NCKAP5: variants seen among roughly 807,000 people sequenced by gnomAD.
NCKAP5 encodes the protein NCK associated protein 5.
In NCKAP5, 92 loss-of-function variants were observed where a neutral mutation model predicts 167.0. That is an observed-to-expected ratio of 0.55 (90% CI 0.47 to 0.66). The LOEUF (loss-of-function observed/expected upper bound fraction) is 0.66, where lower values mean the gene tolerates loss of function less well. NCKAP5 is among the 30% of genes least tolerant of loss of function. The probability of loss-of-function intolerance (pLI) is 0.00; values close to 1 mark genes in which losing one functional copy is unlikely to be tolerated. For synonymous variants in NCKAP5, 891 were observed against 877.4 expected, an observed-to-expected ratio of 1.02 and a Z score of -0.27; for missense variants, 2,378 against 2,315.0, an observed-to-expected ratio of 1.03 and a Z score of -0.56.
Position 132,710,594 on chromosome 2 carries a change from G to A in NCKAP5, c.5713+15033C>T, listed in dbSNP as rs13416154. Among the ~76,000 whole-genome samples, 1,112 of 152,218 alleles carry A rather than the reference G, an allele frequency of 7.3e-3. 12 individuals are homozygous for A. The highest frequency in any genetic ancestry group is 0.026 in the African/African-American group (1,063 of 41,542). ...ATTTGAGCAGTCAATTTAAAGAAGC[G>A]GGGGAAAAAGGGAAAGTATAATTTG... On this transcript the variant is annotated intron_variant, in intron 19 of 19. Transcript: ENST00000409261.
At chr2:132,917,749 C>T (rs532284840) in intron 8 of NCKAP5, among the ~76,000 whole-genome samples, 5 of 152,274 alleles carry the variant, frequency 3.3e-5, no homozygotes, top group African/African-American at 1.2e-4. Flanking sequence ...ATCAGAAACA[C>T]AGGCCTGTGA....
intron 9 of NCKAP5, among the ~76,000 whole-genome samples, chr2:132,878,171 G>A (rs188819045): frequency 6.6e-6 from 1 of 152,152 alleles, no homozygotes; most frequent in Non-Finnish European, 1.5e-5. Flanking sequence ...CGAGGGCTCT[G>A]AGCGCATGTC....
chr2:132,869,264 T>C (rs1690606299), intron 9 of NCKAP5, among the ~76,000 whole-genome samples: 1 of 152,222 alleles, frequency 6.6e-6, no homozygotes, highest in Non-Finnish European at 1.5e-5. Flanking sequence ...TCCTTTCATA[T>C]ACTCCAAGAA....
chr2:133,609,674 T>C, the NCKAP5 span, among the ~76,000 whole-genome samples: 5 of 152,266 alleles, frequency 3.3e-5, no homozygotes, highest in South Asian at 1.0e-3. Flanking sequence ...TCTAGGATCA[T>C]CTCCACCAAA....
intron 5 of NCKAP5, among the ~76,000 whole-genome samples, chr2:133,155,639 G>A (rs879485124): frequency 6.6e-6 from 1 of 152,082 alleles, no homozygotes; most frequent in Non-Finnish European, 1.5e-5. Context: ...TTTTTTAGAC[G>A]ACATTAACAT....
chr2:132,971,762 T>C (rs1387360688), intron 7 of NCKAP5, among the ~76,000 whole-genome samples: 1 of 151,920 alleles, frequency 6.6e-6, no homozygotes, highest in Non-Finnish European at 1.5e-5. Flanking sequence ...TCTCAGAGAG[T>C]GGGCCATCAG....
intron 8 of NCKAP5, chr2:132,926,128 A>G: frequency 2.9e-6 from 1 of 350,292 alleles, no homozygotes; most frequent in Non-Finnish European, 5.9e-6. Flanking sequence ...ACAAGTGAGA[A>G]ATTGTGGTAT....
chr2:133,136,681 A>G (rs979480574), intron 5 of NCKAP5, among the ~76,000 whole-genome samples: 1 of 152,268 alleles, frequency 6.6e-6, no homozygotes, highest in Admixed American at 6.5e-5. Context: ...GGATAATAAG[A>G]GGATCTTAAG....
chr2:133,038,829 T>G (rs1398711208), intron 6 of NCKAP5, among the ~76,000 whole-genome samples: 1 of 152,180 alleles, frequency 6.6e-6, no homozygotes, highest in African/African-American at 2.4e-5. Flanking sequence ...TCAGGTCTTT[T>G]GCCATGTAGG....
At chr2:132,701,523 ACTGCTG>A (rs142983300) in intron 19 of NCKAP5, among the ~76,000 whole-genome samples, 2 of 151,558 alleles carry the variant, frequency 1.3e-5, no homozygotes, top group East Asian at 1.9e-4. Context: ...TACATCAGAT[ACTGCTG>A]CTGCTGCTGC....
chr2:132,829,636 AG>A (rs1687379664), intron 11 of NCKAP5, among the ~76,000 whole-genome samples: 1 of 152,220 alleles, frequency 6.6e-6, no homozygotes, highest in Middle Eastern at 3.4e-3. Flanking sequence ...GATCTGGAAT[AG>A]GGGTTCTCAA....
chr2:133,526,949 C>A (rs963285114), intron 2 of NCKAP5: 3 of 152,120 alleles, frequency 2.0e-5, no homozygotes, highest in African/African-American at 7.2e-5. Flanking sequence ...CATCTGCTAA[C>A]ATTAATGAGT....
intron 13 of NCKAP5, among the ~76,000 whole-genome samples, chr2:132,788,499 T>C (rs1411388750): frequency 6.6e-6 from 1 of 152,186 alleles, no homozygotes; most frequent in East Asian, 1.9e-4. Flanking sequence ...GCCTGTGGCA[T>C]CTTGGTTCAG....
intron 4 of NCKAP5, among the ~76,000 whole-genome samples, chr2:133,244,361 A>G (rs767581534): frequency 6.6e-6 from 1 of 152,190 alleles, no homozygotes; most frequent in Non-Finnish European, 1.5e-5. Context: ...ACATGCATTA[A>G]CTTTTCTCAC....
At chr2:132,889,002 A>G (rs1223370703) in intron 8 of NCKAP5, among the ~76,000 whole-genome samples, 1 of 152,302 alleles carries the variant, frequency 6.6e-6, no homozygotes, top group East Asian at 1.9e-4. Flanking sequence ...TTAAGCTTCT[A>G]CCTGGCCTCT....
chr2:133,047,195 G>GT (rs112764669), intron 6 of NCKAP5, among the ~76,000 whole-genome samples: 6 of 151,914 alleles, frequency 3.9e-5, no homozygotes, highest in African/African-American at 9.7e-5. Flanking sequence ...ACAAAGCTTT[G>GT]TTTTTTTTCC....
At chr2:132,721,961 G>A (rs1689970859) in intron 19 of NCKAP5, among the ~76,000 whole-genome samples, 1 of 152,236 alleles carries the variant, frequency 6.6e-6, no homozygotes, top group African/African-American at 2.4e-5. Context: ...CCTTTTCAAA[G>A]AGGGGTTTGC....
intron 3 of NCKAP5, among the ~76,000 whole-genome samples, chr2:133,362,732 T>A (rs746973576): frequency 8.1e-5 from 12 of 148,806 alleles, no homozygotes; most frequent in Non-Finnish European, 1.6e-4. Flanking sequence ...CAGCCAGATA[T>A]GTAATCATGT....
chr2:132,973,288 C>A (rs1358784835), intron 7 of NCKAP5, among the ~76,000 whole-genome samples: 1 of 152,142 alleles, frequency 6.6e-6, no homozygotes, highest in African/African-American at 2.4e-5. Flanking sequence ...AACCTTCTTG[C>A]GGATCATCAA....
Sources: allele counts gnomAD v4.1 joint callset (sites outside exome capture counted in the v4.1 genomes callset), GRCh38; gene constraint gnomAD v4.1.1; transcripts MANE v1.5; gene names NCBI Gene and HGNC (gene_info 2026-07-23, HGNC 2026-07-21).